Variants in RBFOX1 observed in about 807,000 individuals in gnomAD.
The protein encoded by RBFOX1 is RNA binding fox-1 homolog 1.
In RBFOX1, 8 loss-of-function variants were observed where a neutral mutation model predicts 57.7. The ratio of observed to expected loss-of-function variants is 0.14; its 90% CI spans 0.08 to 0.25. The LOEUF (loss-of-function observed/expected upper bound fraction) is 0.25. RBFOX1 is among the 10% of genes least tolerant of loss of function. The probability of loss-of-function intolerance (pLI) is 1.00; values close to 1 mark genes in which losing one functional copy is unlikely to be tolerated. For synonymous variants in RBFOX1, 326 were observed against 222.4 expected (o/e 1.47, Z -4.15); for missense variants, 611 against 548.5 (o/e 1.11, Z -1.14).
At chr16:5,603,633 C>T (rs569477179), downstream of RBFOX1, among the ~76,000 whole-genome samples, 1 of 152,208 alleles carries the variant, frequency 6.6e-6, no homozygotes, top group Non-Finnish European at 1.5e-5. Context: ...TACAGCCACA[C>T]TTTCCTTGAT....
At chr16:7,192,309 C>G (rs182918239) in intron 4 of RBFOX1, among the ~76,000 whole-genome samples, 49 of 152,234 alleles carry the variant, frequency 3.2e-4, no homozygotes, top group South Asian at 8.3e-4. Flanking sequence ...GGGAAAATGT[C>G]ATATTCAGTG....
At chr16:5,245,797 T>C (rs991835663) in intron 1 of RBFOX1, among the ~76,000 whole-genome samples, 9 of 152,214 alleles carry the variant, frequency 5.9e-5, no homozygotes, top group African/African-American at 2.2e-4. Flanking sequence ...GAAAAGTCAA[T>C]CATGATTTGA....
At chr16:7,303,082 C>A (rs2096071667) in intron 4 of RBFOX1, among the ~76,000 whole-genome samples, 1 of 152,178 alleles carries the variant, frequency 6.6e-6, no homozygotes, top group Non-Finnish European at 1.5e-5. Flanking sequence ...GGGAGAAGCC[C>A]CCTTCCAGTC....
chr16:7,521,831 C>T (rs987152540), intron 5 of RBFOX1, among the ~76,000 whole-genome samples: 5 of 152,086 alleles, frequency 3.3e-5, no homozygotes, highest in Admixed American at 1.3e-4. Context: ...ATAAAAAGTC[C>T]AGGCGGAGGG....
chr16:5,294,256 C>T (rs948122866), intron 1 of RBFOX1, among the ~76,000 whole-genome samples: 2 of 152,010 alleles, frequency 1.3e-5, no homozygotes, highest in African/African-American at 4.8e-5. Flanking sequence ...AACACACACA[C>T]AAAGTCAAAA....
intron 3 of RBFOX1, among the ~76,000 whole-genome samples, chr16:6,887,557 A>G (rs1003965572): frequency 9.8e-5 from 14 of 142,208 alleles, no homozygotes; most frequent in African/African-American, 3.2e-4. Context: ...AAAAACACAT[A>G]TACTTTTTTT....
chr16:7,120,535 T>G (rs1394766980), intron 4 of RBFOX1, among the ~76,000 whole-genome samples: 2 of 151,896 alleles, frequency 1.3e-5, no homozygotes, highest in African/African-American at 4.8e-5. Flanking sequence ...ACAACTTACA[T>G]GAAATAGACT....
intron 1 of RBFOX1, among the ~76,000 whole-genome samples, chr16:6,108,195 C>T (rs548607275): frequency 4.5e-4 from 68 of 152,154 alleles, no homozygotes; most frequent in African/African-American, 1.6e-3. Context: ...ATACATGTCT[C>T]TGTTGTTTTT....
chr16:5,642,927 C>A (rs534525215), intron 3 of RBFOX1, among the ~76,000 whole-genome samples: 1 of 152,160 alleles, frequency 6.6e-6, no homozygotes, highest in East Asian at 1.9e-4. Context: ...TGTCAATGCC[C>A]GCTCACCCAC....
At chr16:5,689,471 A>G (rs1431395553) in intron 3 of RBFOX1, among the ~76,000 whole-genome samples, 1 of 152,140 alleles carries the variant, frequency 6.6e-6, no homozygotes, top group Admixed American at 6.5e-5. Flanking sequence ...GCCTGCTCAA[A>G]TTTCTGTGGA....
chr16:5,656,794 T>A (rs1282635416), intron 3 of RBFOX1, among the ~76,000 whole-genome samples: 4 of 152,172 alleles, frequency 2.6e-5, no homozygotes, highest in Admixed American at 6.5e-5. Flanking sequence ...TTATCCAGTC[T>A]ATCATTGATG....
intron 3 of RBFOX1, among the ~76,000 whole-genome samples, chr16:6,738,649 T>C (rs1365043424): frequency 6.6e-6 from 1 of 152,164 alleles, no homozygotes; most frequent in African/African-American, 2.4e-5. Context: ...TCATTGACAA[T>C]TACAGAACCC....
chr16:5,646,595 G>A (rs902525318), intron 3 of RBFOX1, among the ~76,000 whole-genome samples: 3 of 152,098 alleles, frequency 2.0e-5, no homozygotes, highest in African/African-American at 7.2e-5. Flanking sequence ...ATGTGTCAGG[G>A]AGGGCATGGC....
chr16:5,274,114 C>G (rs1327761353), intron 1 of RBFOX1, among the ~76,000 whole-genome samples: 1 of 152,196 alleles, frequency 6.6e-6, no homozygotes, highest in Non-Finnish European at 1.5e-5. Flanking sequence ...CTACTGGATG[C>G]AGACAGAAGC....
chr16:6,242,792 T>G (rs1254692394), intron 1 of RBFOX1, among the ~76,000 whole-genome samples: 1 of 152,120 alleles, frequency 6.6e-6, no homozygotes, highest in East Asian at 1.9e-4. Flanking sequence ...AATAAACACA[T>G]AACCCTTGTT....
At chr16:6,603,699 C>T (rs2097886000) in intron 2 of RBFOX1, among the ~76,000 whole-genome samples, 1 of 152,182 alleles carries the variant, frequency 6.6e-6, no homozygotes, top group Non-Finnish European at 1.5e-5. Context: ...CCCCAATCCT[C>T]TTCTTTCCCA....
chr16:5,459,302 C>A (rs1312185366), intron 1 of RBFOX1, among the ~76,000 whole-genome samples: 1 of 152,240 alleles, frequency 6.6e-6, no homozygotes. Flanking sequence ...GCAGATATAG[C>A]TCCAGCTCGC....
intron 3 of RBFOX1, among the ~76,000 whole-genome samples, chr16:5,636,145 C>G (rs939561970): frequency 1.3e-5 from 2 of 151,982 alleles, no homozygotes; most frequent in Non-Finnish European, 2.9e-5. Flanking sequence ...GTCAGGAGTT[C>G]GAGACCAGCC....
chr16:5,993,384 T>TGTGTGA (rs1475287832), intron 4 of RBFOX1, among the ~76,000 whole-genome samples: 1,475 of 71,100 alleles, frequency 0.021, 9 homozygotes, highest in Admixed American at 0.054. Context: ...TGTGTGTGTG[T>TGTGTGA]GAGAGAGAGA....
Sources: gnomAD v4.1 joint callset for allele counts (sites outside exome capture counted in the v4.1 genomes callset) on GRCh38, gnomAD v4.1.1 for gene constraint, MANE v1.5 for transcripts, NCBI Gene and HGNC (gene_info 2026-07-23, HGNC 2026-07-21) for gene names.